PFKM: variants seen among roughly 807,000 people sequenced by gnomAD.
PFKM encodes phosphofructokinase, muscle.
In PFKM, 58 loss-of-function variants were observed where a neutral mutation model predicts 95.5. The ratio of observed to expected loss-of-function variants is 0.61; its 90% CI spans 0.49 to 0.76. The LOEUF is 0.76. Ranked by LOEUF, PFKM falls within the 30% of genes least tolerant of loss-of-function variation. PFKM has a pLI of 0.00. For synonymous variants in PFKM, 336 were observed against 357.2 expected (o/e 0.94, Z 0.67); for missense variants, 678 against 1,005.4 (o/e 0.67, Z 4.40).
intron 2 of PFKM, among the ~76,000 whole-genome samples, chr12:48,124,224 C>T (rs998691722): frequency 1.3e-5 from 2 of 152,100 alleles, no homozygotes; most frequent in East Asian, 1.9e-4. Flanking sequence ...AAGGAGGGTA[C>T]GGAGGTCTGA....
In PFKM at chr12:48,143,860, T is replaced by C. The variant is rs1214440931; in HGVS notation, c.1880+46T>C. The stretch of plus-strand genomic sequence containing the variant: ...TCCTAAATGAAGAAGAAAAATAAGC[T>C]TTGGCTCAAACCCATAGAATGGCCA... On this transcript the variant is annotated intron_variant, in intron 19 of 22. Transcript: ENST00000359794. The C allele has an allele frequency of 2.0e-6, 3 of 1,494,470 alleles. No individual in the cohort carries two copies. The Admixed American group carries it at 5.0e-5, about 25-fold the overall frequency. 92.6% of individuals were successfully genotyped at this position (1,494,470 alleles called of 1,614,324 possible). A position where few individuals can be genotyped will look rare whatever the true frequency, so the allele number is the denominator to read the frequency against.
At chr12:48,129,190 GT>G (rs1949162210) in intron 2 of PFKM, among the ~76,000 whole-genome samples, 1 of 54,058 alleles carries the variant, frequency 1.8e-5, no homozygotes, top group Admixed American at 1.6e-4. Context: ...TTTTTGTTCT[GT>G]TTTGTTTTAA....
At chr12:48,121,007 C>T (rs773398089) in intron 1 of PFKM, among the ~76,000 whole-genome samples, 1 of 152,096 alleles carries the variant, frequency 6.6e-6, no homozygotes, top group Non-Finnish European at 1.5e-5. Context: ...AAAAATTAGC[C>T]GGGTGTGGTG....
At chr12:48,144,630 G>A (rs900037650) in intron 20 of PFKM, among the ~76,000 whole-genome samples, 11 of 152,082 alleles carry the variant, frequency 7.2e-5, no homozygotes, top group African/African-American at 2.4e-4. Flanking sequence ...TAATTCTGAG[G>A]TGCTACCAAG....
At chr12:48,131,488 T>C (rs1309156801) in intron 4 of PFKM, 95 bp downstream of exon 4, 1 of 894,552 alleles carries the variant, frequency 1.1e-6, no homozygotes. Flanking sequence ...CCCTGTCATG[T>C]GGTTTCATGG....
At chr12:48,137,936 T>C (rs1950248297) in intron 11 of PFKM, 90 bp downstream of exon 11, 5 of 1,432,350 alleles carry the variant, frequency 3.5e-6, no homozygotes, top group Non-Finnish European at 4.9e-6. Flanking sequence ...AGGCCACTGG[T>C]ATAGGAGCAG....
intron 17 of PFKM, 130 bp from the exon 18 acceptor site, chr12:48,142,649 TTGA>T: frequency 1.1e-6 from 1 of 874,602 alleles, no homozygotes; most frequent in Non-Finnish European, 1.9e-6. Context: ...ATGCAAGAAC[TTGA>T]TGAGCTCTAA....
chr12:48,145,550 T>C lies in PFKM; in HGVS notation c.2199-14T>C. On this transcript the variant is annotated splice_polypyrimidine_tract_variant and intron_variant, in intron 22 of 22. Coordinates refer to ENST00000359794, the MANE Select transcript of PFKM (RefSeq NM_000289.6). The surrounding 1 kb of genome is among the most constrained non-coding windows in gnomAD (Gnocchi z 4.3). The stretch of plus-strand genomic sequence containing the variant: ...CTAAAAGATTATATCATCATCTACC[T>C]CATTCCTCTGTAGGCATCGAATCCC... The C allele has an allele frequency of 6.2e-7, 1 of 1,614,018 alleles. No individual in the cohort carries two copies. The highest frequency in any genetic ancestry group is 8.5e-7 in the Non-Finnish European group (1 of 1,179,866).
Position 48,145,643 on chromosome 12 carries a change from G to T in PFKM, c.2278G>T (p.Asp760Tyr). 5 of 1,614,116 alleles carry T rather than the reference G, an allele frequency of 3.1e-6. No individual in the cohort carries two copies. The highest frequency in any genetic ancestry group is 4.2e-6 in the Non-Finnish European group (5 of 1,180,012). Residue 760 changes from aspartate (D) to tyrosine (Y), a missense_variant, in exon 23 of 23, where the codon GAC (aspartate) becomes TAC (tyrosine). Coordinates refer to ENST00000359794, the MANE Select transcript of PFKM (RefSeq NM_000289.6). The surrounding 1 kb of genome is among the most constrained non-coding windows in gnomAD (Gnocchi z 4.3). ...CCTAGCCAAGTACGAGATTGACTTG[G>T]ACACTTCAGACCATGCCCACCTGGA... ...KILAKYEIDL[D>Y]TSDHAHLEHI... is the part of the protein sequence containing the mutation.
At chr12:48,144,458 C>G (rs189124978) in intron 20 of PFKM, among the ~76,000 whole-genome samples, 2 of 152,302 alleles carry the variant, frequency 1.3e-5, no homozygotes, top group African/African-American at 2.4e-5. Context: ...GGTGGCTGTT[C>G]TATGCACTGT....
intron 13 of PFKM, among the ~76,000 whole-genome samples, chr12:48,140,359 G>C (rs1950472284): frequency 6.6e-6 from 1 of 152,150 alleles, no homozygotes; most frequent in African/African-American, 2.4e-5. Flanking sequence ...TTCATATCTG[G>C]GTAGAGGCCA....
At chr12:48,125,254 C>A in intron 2 of PFKM, 1 of 428,766 alleles carries the variant, frequency 2.3e-6, no homozygotes, top group Non-Finnish European at 4.7e-6. Flanking sequence ...CAGTCATCTG[C>A]TCTGGCCCTC....
chr12:48,137,228 A>T (rs1237850702), intron 10 of PFKM: 1 of 201,966 alleles, frequency 5.0e-6, no homozygotes, highest in Non-Finnish European at 1.0e-5. Flanking sequence ...TGCCTGGCTA[A>T]CTTTTTGTAT....
intron 3 of PFKM, 85 bp downstream of exon 3, chr12:48,130,521 T>G (rs1321022080): frequency 1.2e-5 from 12 of 996,130 alleles, no homozygotes; most frequent in African/African-American, 1.6e-5. Context: ...TTCTGTGTCC[T>G]TACCTCCCAG....
upstream of PFKM, chr12:48,105,662 A>G (rs1946483940): frequency 2.3e-6 from 1 of 429,654 alleles, no homozygotes; most frequent in Admixed American, 3.5e-5. Context: ...AGCTCTCCCC[A>G]GAGAAGACCC....
chr12:48,144,822 A>G (rs1181962651), intron 20 of PFKM, among the ~76,000 whole-genome samples: 1 of 151,696 alleles, frequency 6.6e-6, no homozygotes, highest in Non-Finnish European at 1.5e-5. Flanking sequence ...ATTAGTTGTT[A>G]TTATATCTGA....
At chr12:48,136,765 T>G (rs948817479) in intron 10 of PFKM, among the ~76,000 whole-genome samples, 1 of 150,986 alleles carries the variant, frequency 6.6e-6, no homozygotes, top group African/African-American at 2.4e-5. Context: ...TTTCTTTCTT[T>G]TTTTTTGAGA....
At chr12:48,109,652 G>A (rs1947017470) in intron 3 of PFKM, among the ~76,000 whole-genome samples, 1 of 152,090 alleles carries the variant, frequency 6.6e-6, no homozygotes, top group South Asian at 2.1e-4. Context: ...TTGTCTCATG[G>A]ACAAAATTCT....
intron 3 of PFKM, chr12:48,108,264 A>G (rs1373582570): frequency 2.7e-6 from 4 of 1,466,868 alleles, no homozygotes; most frequent in South Asian, 1.3e-5. Flanking sequence ...TATGCATAGT[A>G]TTATAAATCA....
Sources: gnomAD v4.1 joint callset for allele counts (sites outside exome capture counted in the v4.1 genomes callset) on GRCh38, gnomAD v4.1.1 for gene constraint, Gnocchi (gnomAD v3.1) non-coding constraint, MANE v1.5 for transcripts, NCBI Gene and HGNC (gene_info 2026-07-23, HGNC 2026-07-21) for gene names.